Variants in ERICH6B observed in about 807,000 individuals in gnomAD.
ERICH6B encodes glutamate-rich protein 6B.
In ERICH6B, 69 loss-of-function variants were observed where a neutral mutation model predicts 80.0. That is an observed-to-expected ratio of 0.86 (90% CI 0.71 to 1.05). The LOEUF is 1.05. ERICH6B is among the 50% of genes least tolerant of loss of function. The pLI is 0.00. For missense variants in ERICH6B, 754 were observed against 796.1 expected (o/e 0.95, Z 0.64); for synonymous variants, 283 against 291.9 (o/e 0.97, Z 0.31).
intron 4 of ERICH6B, among the ~76,000 whole-genome samples, chr13:45,589,041 G>C (rs1267106204): frequency 6.6e-6 from 1 of 151,818 alleles, no homozygotes; most frequent in Non-Finnish European, 1.5e-5. Flanking sequence ...CTGTTTATAA[G>C]GGACACATGA....
Position 45,541,640 on chromosome 13 carries a change from G to A in ERICH6B, c.1913C>T (p.Thr638Ile), listed in dbSNP as rs1593767801. The change falls in exon 15 of 15, where the codon ACC becomes ATC. Residue 638 changes from threonine to isoleucine, a missense_variant. Coordinates refer to ENST00000298738, the MANE Select transcript of ERICH6B (RefSeq NM_182542.3). ...PEVLSEMKKK[T>I]ILEAEPGPTA... The stretch of plus-strand genomic sequence containing the variant: ...TGGGCCGGGTTCTGCCTCCAGGATG[G>A]TTTTCTTCTTCATTTCGCTCAGCAC... 5.2e-6 allele frequency: 8 copies of A among 1,551,248 alleles called. No individual in the cohort carries two copies. The highest frequency in any genetic ancestry group is 2.7e-5 in the African/African-American group (2 of 73,140).
intron 2 of ERICH6B, among the ~76,000 whole-genome samples, chr13:45,606,807 G>A (rs1223949763): frequency 6.6e-6 from 1 of 151,668 alleles, no homozygotes; most frequent in Non-Finnish European, 1.5e-5. Context: ...GTCCACCTCA[G>A]CCTCCAAAAG....
intron 2 of ERICH6B, among the ~76,000 whole-genome samples, chr13:45,606,569 T>C (rs1422964777): frequency 2.4e-5 from 2 of 83,548 alleles, no homozygotes; most frequent in East Asian, 6.1e-4. Context: ...TTTTTTTTTT[T>C]TGGAGACAGA....
intron 2 of ERICH6B, among the ~76,000 whole-genome samples, chr13:45,603,522 C>T (rs1401267271): frequency 1.1e-4 from 17 of 152,208 alleles, no homozygotes; most frequent in Admixed American, 1.1e-3. Context: ...CCCTTGGCTC[C>T]TGCCCTGCTG....
chr13:45,563,794 A>C lies in ERICH6B; in HGVS notation c.1188-6T>G. The C allele has an allele frequency of 6.4e-7, 1 of 1,551,764 alleles. No homozygotes were observed. Among genetic ancestry groups the C allele is most frequent in the Non-Finnish European group, 8.7e-7 (1 of 1,146,686 alleles). On this transcript the variant is annotated splice_region_variant and splice_polypyrimidine_tract_variant and intron_variant, in intron 9 of 14. Coordinates refer to ENST00000298738, the MANE Select transcript of ERICH6B (RefSeq NM_182542.3). ...TTTCATAATTTTTCTTCAGCCTAAA[A>C]GGAAAGTGGATCATCTTTAGAAGCC...
At position 45,546,116 on chromosome 13, in the gene ERICH6B, C is replaced by T. The variant is rs1297138492; in HGVS notation, c.1647-1131G>A. On this transcript the variant is annotated intron_variant, in intron 13 of 14. Coordinates refer to ENST00000298738, the MANE Select transcript of ERICH6B (RefSeq NM_182542.3). Reference sequence around the variant, plus strand: ...TCCTGTTGCCCAGCCTTGTGCAGGGCACCCATATTGATAGGTACAAGGGAA... The same window carrying T: ...TCCTGTTGCCCAGCCTTGTGCAGGGTACCCATATTGATAGGTACAAGGGAA... Among the ~76,000 whole-genome samples, 4 of 152,316 alleles carry T rather than the reference C, an allele frequency of 2.6e-5. No homozygotes were observed. The East Asian group carries it at 7.7e-4, about 29-fold the overall frequency.
At chr13:45,560,202 C>T (rs188102627) in intron 11 of ERICH6B, among the ~76,000 whole-genome samples, 17 of 152,270 alleles carry the variant, frequency 1.1e-4, no homozygotes, top group African/African-American at 3.8e-4. Context: ...TACTCCTTCT[C>T]GCTTTTGGTG....
intron 7 of ERICH6B, among the ~76,000 whole-genome samples, chr13:45,577,622 CA>C (rs1566296027): frequency 6.6e-6 from 1 of 152,042 alleles, no homozygotes; most frequent in Non-Finnish European, 1.5e-5. Context: ...TTTATTAAAA[CA>C]TTTTTTTAGG....
chr13:45,606,499 G>GTGTA (rs1289411408), intron 2 of ERICH6B, among the ~76,000 whole-genome samples: 4 of 40,760 alleles, frequency 9.8e-5, no homozygotes, highest in African/African-American at 2.2e-4. Flanking sequence ...TCCCAAAAGT[G>GTGTA]TATGTGTATA....
At chr13:45,577,276 CTTTTTTTTTTTT>C (rs34244794) in intron 7 of ERICH6B, among the ~76,000 whole-genome samples, 15,657 of 86,322 alleles carry the variant, frequency 0.18, 2,975 homozygotes, top group African/African-American at 0.48. Flanking sequence ...AAAAACAAAT[CTTTTTTTTTTTT>C]TTTTTTTTTT....
chr13:45,566,671 G>A (rs145020823), intron 9 of ERICH6B, among the ~76,000 whole-genome samples: 1,585 of 152,384 alleles, frequency 0.01, 19 homozygotes, highest in Middle Eastern at 0.027. Context: ...CTAGATTTCA[G>A]AGGATGTATG....
Position 45,544,763 on chromosome 13 carries a change from G to A in ERICH6B, c.1869C>T (p.Tyr623=), listed in dbSNP as rs1428628628. The A allele has an allele frequency of 2.6e-6, 4 of 1,551,162 alleles. No individual in the cohort carries two copies. The highest frequency in any genetic ancestry group is 1.4e-5 in the African/African-American group (1 of 73,036). ...GTATGGGGAGTTGTGACCTTACCTT[G>A]TACCTGGTGCCCAGGTTTAAACAAA... ...KQICLNLGTR[Y]KFVIPEVLSE... Residue 623 remains tyrosine, a synonymous_variant, in exon 14 of 15, where the codon TAC becomes TAT. Coordinates refer to ENST00000298738, the MANE Select transcript of ERICH6B (RefSeq NM_182542.3).
intron 11 of ERICH6B, among the ~76,000 whole-genome samples, chr13:45,552,541 A>C (rs1479937689): frequency 1.3e-5 from 2 of 151,322 alleles, no homozygotes; most frequent in African/African-American, 4.9e-5. Flanking sequence ...CTAGTATCCC[A>C]CATTAACTTA....
intron 2 of ERICH6B, among the ~76,000 whole-genome samples, chr13:45,603,065 G>C (rs138829768): frequency 2.0e-5 from 3 of 152,198 alleles, no homozygotes; most frequent in African/African-American, 7.2e-5. Context: ...GGGGCCCCTA[G>C]TGTAAGTCCT....
At chr13:45,614,689 G>T (rs1949918009) in intron 1 of ERICH6B, among the ~76,000 whole-genome samples, 1 of 152,248 alleles carries the variant, frequency 6.6e-6, no homozygotes, top group Non-Finnish European at 1.5e-5. Context: ...AAGGTGAGAA[G>T]CCTCATTTCT....
At chr13:45,563,418 G>A (rs74070493) in intron 10 of ERICH6B, among the ~76,000 whole-genome samples, 16,992 of 152,042 alleles carry the variant, frequency 0.11, 1,351 homozygotes, top group African/African-American at 0.21. Flanking sequence ...CAGAAAACAC[G>A]GCTGCCCTGG....
At chr13:45,580,741 G>A in intron 5 of ERICH6B, 76 bp from the exon 6 acceptor site, 1 of 1,435,540 alleles carries the variant, frequency 7.0e-7, no homozygotes, top group Non-Finnish European at 9.5e-7. Flanking sequence ...CTGGGTATGT[G>A]GGGTCCCAGG....
At chr13:45,561,704 T>G (rs1244335003) in intron 10 of ERICH6B, among the ~76,000 whole-genome samples, 178 bp from the exon 11 acceptor site, 2 of 151,966 alleles carry the variant, frequency 1.3e-5, no homozygotes, top group Non-Finnish European at 2.9e-5. Flanking sequence ...AAGAGAGAAG[T>G]GTTGGGGCTG....
intron 2 of ERICH6B, among the ~76,000 whole-genome samples, chr13:45,598,919 G>A (rs759546485): frequency 9.2e-5 from 14 of 152,126 alleles, no homozygotes; most frequent in South Asian, 6.2e-4. Context: ...TCCAGGCAGC[G>A]CACCTCTGAG....
Sources: gnomAD v4.1 joint callset for allele counts (sites outside exome capture counted in the v4.1 genomes callset) on GRCh38, gnomAD v4.1.1 for gene constraint, MANE v1.5 for transcripts, NCBI Gene and HGNC (gene_info 2026-07-23, HGNC 2026-07-21) for gene names.